Variants in ZNF385D observed in about 807,000 individuals in gnomAD.
The protein encoded by ZNF385D is zinc finger protein 659.
In ZNF385D, 15 loss-of-function variants were observed where a neutral mutation model predicts 35.8. That is an observed-to-expected ratio of 0.42 (90% CI 0.28 to 0.64). ZNF385D has a LOEUF of 0.64. Ranked by LOEUF, ZNF385D falls within the 30% of genes least tolerant of loss-of-function variation. The probability of loss-of-function intolerance (pLI) is 0.23; values close to 1 mark genes in which losing one functional copy is unlikely to be tolerated. For synonymous variants in ZNF385D, 212 were observed against 186.8 expected, an observed-to-expected ratio of 1.13 and a Z score of -1.10; for missense variants, 474 against 494.6, an observed-to-expected ratio of 0.96 and a Z score of 0.39.
intron 2 of ZNF385D, among the ~76,000 whole-genome samples, chr3:22,366,397 C>G (rs1696657955): frequency 6.6e-6 from 1 of 152,126 alleles, no homozygotes; most frequent in African/African-American, 2.4e-5. Flanking sequence ...ACACAGTAAT[C>G]ACTCATACAA....
intron 5 of ZNF385D, among the ~76,000 whole-genome samples, chr3:21,428,758 A>T (rs1473643795): frequency 2.6e-5 from 4 of 151,832 alleles, no homozygotes; most frequent in African/African-American, 9.7e-5. Context: ...TCTGCACTAC[A>T]TTCCTTCCTC....
In ZNF385D at chr3:22,350,057, G is replaced by A. The variant is rs144039679; in HGVS notation, c.106+22393C>T. ...TTCAGAATATAACCAAAAAATGTTT[G>A]GTAGAACTTTCTAAAGTTTTCTTCT... On this transcript the variant is annotated intron_variant, in intron 2 of 5. Coordinates refer to the ZNF385D transcript ENST00000494108. Among the ~76,000 whole-genome samples the A allele has an allele frequency of 1.1e-3, 167 of 152,200 alleles. 1 individual carries two copies. Among genetic ancestry groups the A allele is most frequent in the Admixed American group, 2.1e-3 (32 of 15,280 alleles).
In ZNF385D at chr3:21,975,919, G is replaced by A. The variant is rs144715608; in HGVS notation, c.325+192898C>T. On this transcript the variant is annotated intron_variant, in intron 3 of 5. Coordinates refer to the ZNF385D transcript ENST00000494108. ...GATGCAAACGAGCCAAGCATCAAGT[G>A]TGTTGAAAAAAGCCAAACATACTTG... 4.0e-4 allele frequency among the ~76,000 whole-genome samples: 61 copies of A among 152,114 alleles called. No individual in the cohort carries two copies. In the East Asian group the frequency reaches 0.011, roughly 29 times the overall value.
At chr3:22,030,301 A>ATCTATCTATC (rs1491439646) in intron 3 of ZNF385D, among the ~76,000 whole-genome samples, 7 of 110,480 alleles carry the variant, frequency 6.3e-5, no homozygotes, top group African/African-American at 2.5e-4. Context: ...ATATATATAT[A>ATCTATCTATC]TCCTATTTGG....
intron 1 of ZNF385D, among the ~76,000 whole-genome samples, chr3:21,725,185 G>A (rs1275495039): frequency 3.3e-5 from 5 of 152,150 alleles, no homozygotes; most frequent in African/African-American, 7.2e-5. Context: ...TTAAAGCAGC[G>A]TGTAGAGGGA....
intron 3 of ZNF385D, among the ~76,000 whole-genome samples, chr3:21,802,234 T>C (rs189695929): frequency 7.9e-5 from 12 of 152,298 alleles, no homozygotes; most frequent in Admixed American, 3.9e-4. Context: ...AATAATTTAG[T>C]ATATATTTAA....
intron 3 of ZNF385D, among the ~76,000 whole-genome samples, chr3:21,791,321 T>C (rs1206642881): frequency 6.6e-6 from 1 of 152,212 alleles, no homozygotes; most frequent in Non-Finnish European, 1.5e-5. Context: ...ATTCCTTCAG[T>C]GGCTCAAAGT....
intron 2 of ZNF385D, among the ~76,000 whole-genome samples, chr3:21,630,659 A>T (rs1196611950): frequency 6.6e-6 from 1 of 152,150 alleles, no homozygotes; most frequent in Non-Finnish European, 1.5e-5. Context: ...GGCTAAACAA[A>T]CTGGAAAACC....
intron 3 of ZNF385D, among the ~76,000 whole-genome samples, chr3:21,920,934 G>T (rs1456643709): frequency 6.6e-6 from 1 of 151,988 alleles, no homozygotes; most frequent in African/African-American, 2.4e-5. Context: ...ACAAACACTG[G>T]GTAAGGCGCA....
intron 2 of ZNF385D, among the ~76,000 whole-genome samples, chr3:22,357,706 C>CAAT (rs1696219475): frequency 2.0e-5 from 3 of 151,986 alleles, no homozygotes; most frequent in African/African-American, 7.2e-5. Flanking sequence ...TTAACAAAGG[C>CAAT]TTCACCATCT....
At chr3:21,922,624 C>T (rs1299804823) in intron 3 of ZNF385D, among the ~76,000 whole-genome samples, 1 of 152,072 alleles carries the variant, frequency 6.6e-6, no homozygotes, top group Non-Finnish European at 1.5e-5. Flanking sequence ...TTTTACCACA[C>T]ATGAAAGTTA....
chr3:21,426,188 G>A (rs1418748362), intron 5 of ZNF385D, among the ~76,000 whole-genome samples: 5 of 152,242 alleles, frequency 3.3e-5, no homozygotes, highest in East Asian at 1.9e-4. Context: ...ACAAGCTTTC[G>A]TGGCTATGTA....
At chr3:21,831,139 A>T (rs530035349) in intron 3 of ZNF385D, among the ~76,000 whole-genome samples, 4 of 152,144 alleles carry the variant, frequency 2.6e-5, no homozygotes, top group Non-Finnish European at 5.9e-5. Flanking sequence ...TTAGAGGCAC[A>T]ATTCAATAAT....
intron 4 of ZNF385D, among the ~76,000 whole-genome samples, chr3:21,507,844 C>T (rs1468745333): frequency 1.3e-5 from 2 of 152,030 alleles, no homozygotes; most frequent in African/African-American, 4.8e-5. Context: ...AGCCTAGATG[C>T]CTCAGGTTTA....
At chr3:22,163,436 T>C (rs749660888) in intron 3 of ZNF385D, among the ~76,000 whole-genome samples, 22 of 152,306 alleles carry the variant, frequency 1.4e-4, no homozygotes, top group Middle Eastern at 6.8e-3. Context: ...CTTCAGAAGA[T>C]CATTTTCCTT....
chr3:21,912,876 G>A (rs1291446515), intron 3 of ZNF385D, among the ~76,000 whole-genome samples: 1 of 151,996 alleles, frequency 6.6e-6, no homozygotes, highest in Non-Finnish European at 1.5e-5. Flanking sequence ...TGTCTCCCAA[G>A]AGCATACAGA....
intron 4 of ZNF385D, among the ~76,000 whole-genome samples, chr3:21,440,105 A>C (rs1701781174): frequency 6.6e-6 from 1 of 152,116 alleles, no homozygotes; most frequent in Non-Finnish European, 1.5e-5. Context: ...TTTTAAACCA[A>C]GAAAGTAAGG....
intron 2 of ZNF385D, among the ~76,000 whole-genome samples, chr3:21,576,040 A>G (rs186791620): frequency 5.9e-5 from 9 of 152,220 alleles, no homozygotes; most frequent in African/African-American, 1.7e-4. Flanking sequence ...ACAATATGGA[A>G]TACAGAATAC....
intron 3 of ZNF385D, among the ~76,000 whole-genome samples, chr3:21,862,721 G>A (rs1252984990): frequency 2.0e-5 from 3 of 152,156 alleles, no homozygotes; most frequent in African/African-American, 7.2e-5. Context: ...AGCTAGCTGT[G>A]CCTCCCCAAG....
Sources: gnomAD v4.1 joint callset for allele counts (sites outside exome capture counted in the v4.1 genomes callset) on GRCh38, gnomAD v4.1.1 for gene constraint, MANE v1.5 for transcripts, NCBI Gene and HGNC (gene_info 2026-07-23, HGNC 2026-07-21) for gene names.